TMEM65: variants seen among roughly 807,000 people sequenced by gnomAD.
TMEM65 encodes transmembrane protein 65.
A neutral mutation model predicts 25.4 loss-of-function variants in TMEM65; 22 were observed. The observed-to-expected ratio is 0.86, with a 90% CI of 0.62 to 1.23. The LOEUF (loss-of-function observed/expected upper bound fraction) is 1.23, where lower values mean the gene tolerates loss of function less well. Ranked by LOEUF, TMEM65 falls within the 50% of genes most tolerant of loss-of-function variation. The pLI, the probability that TMEM65 is intolerant of heterozygous loss-of-function variation, is 0.00. For missense variants in TMEM65, 262 were observed against 308.2 expected, an observed-to-expected ratio of 0.85 and a Z score of 1.12; for synonymous variants, 132 against 126.2, an observed-to-expected ratio of 1.05 and a Z score of -0.31.
rs1198503799 is a variant in TMEM65, at chr8:124,372,083, C to CGCG, written c.72_74dup (p.Ala25dup). 1.5e-5 allele frequency: 17 copies of CGCG among 1,121,028 alleles called. No homozygotes were observed. Among genetic ancestry groups the CGCG allele is most frequent in the Admixed American group, 5.1e-5 (1 of 19,662 alleles). The allele number at this position is 1,121,028 out of a possible 1,614,324, so 69.4% of individuals were successfully genotyped here. On this transcript the variant is annotated inframe_insertion, in exon 1 of 7. Coordinates refer to ENST00000297632, the MANE Select transcript of TMEM65 (RefSeq NM_194291.3). The stretch of plus-strand genomic sequence containing the variant: ...AGCAGCACCAGGACGGCGGGCGGGG[C>CGCG]GCGGCGGCGGCGGCCGGGCCCGGCC...
rs140109621 is a variant in TMEM65, at chr8:124,312,614, A to G, written c.*1346T>C. The G allele has an allele frequency of 2.2e-4, 33 of 152,112 alleles. No homozygotes were observed. The highest frequency in any genetic ancestry group is 6.8e-3 in the Middle Eastern group (2 of 294). 9.4% of individuals were successfully genotyped at this position (152,112 alleles called of 1,614,324 possible). A position where few individuals can be genotyped will look rare whatever the true frequency, so the allele number is the denominator to read the frequency against. Reference sequence around the variant, plus strand: ...CTGTTACAAGTAAGACTAATTTTTTAGCATGTGTAACAGACCACATGCTAA... The same window carrying G: ...CTGTTACAAGTAAGACTAATTTTTTGGCATGTGTAACAGACCACATGCTAA... On this transcript the variant is annotated 3_prime_UTR_variant, in exon 7 of 7. Transcript: ENST00000297632.
chr8:124,347,430 T>C (rs1208613575), intron 1 of TMEM65, among the ~76,000 whole-genome samples: 1 of 152,100 alleles, frequency 6.6e-6, no homozygotes, highest in East Asian at 1.9e-4. Flanking sequence ...ATTGGAGACT[T>C]AGAATGGAAG....
intron 1 of TMEM65, among the ~76,000 whole-genome samples, chr8:124,341,831 T>C (rs1423668764): frequency 6.6e-6 from 1 of 152,026 alleles, no homozygotes; most frequent in African/African-American, 2.4e-5. Flanking sequence ...AAAGTTTTTT[T>C]TTTTGACCTC....
chr8:124,346,177 A>T lies in TMEM65; in HGVS notation c.305-15385T>A, dbSNP rs114800703. Among the ~76,000 whole-genome samples, 773 of 152,338 alleles carry T rather than the reference A, an allele frequency of 5.1e-3. 15 individuals are homozygous for T. Among genetic ancestry groups the T allele is most frequent in the African/African-American group, 0.018 (740 of 41,570 alleles). Reference sequence around the variant, plus strand: ...AGCAAGAGAGACAGAGCGTGCAGGGAAAACTGCCACTTTTAAAACCATCAG... The same window carrying T: ...AGCAAGAGAGACAGAGCGTGCAGGGTAAACTGCCACTTTTAAAACCATCAG... On this transcript the variant is annotated intron_variant, in intron 1 of 6. Transcript: ENST00000297632.
chr8:124,331,406 A>G (rs1406842307), intron 1 of TMEM65, among the ~76,000 whole-genome samples: 2 of 148,094 alleles, frequency 1.4e-5, no homozygotes, highest in Non-Finnish European at 3.0e-5. Context: ...TATAAGATAT[A>G]TTATATTGAT....
chr8:124,363,561 T>A lies in TMEM65; in HGVS notation c.304+8293A>T, dbSNP rs371931042. The stretch of plus-strand genomic sequence containing the variant: ...CCATAATACCTGATGTAGACATCCA[T>A]GTAAAACAAGAAGCGCCTGTAATCC... On this transcript the variant is annotated intron_variant, in intron 1 of 6. Transcript: ENST00000297632. Among the ~76,000 whole-genome samples, 7 of 151,864 alleles carry A rather than the reference T, an allele frequency of 4.6e-5. No homozygotes were observed. The East Asian group carries it at 9.6e-4, about 21-fold the overall frequency.
intron 4 of TMEM65, among the ~76,000 whole-genome samples, chr8:124,322,639 CTTT>C (rs1405150568): frequency 1.3e-5 from 2 of 151,936 alleles, no homozygotes; most frequent in Non-Finnish European, 2.9e-5. Context: ...GTATTTCCTT[CTTT>C]GATTTTTCTA....
At chr8:124,347,437 G>A (rs778765538) in intron 1 of TMEM65, among the ~76,000 whole-genome samples, 1 of 152,076 alleles carries the variant, frequency 6.6e-6, no homozygotes, top group African/African-American at 2.4e-5. Flanking sequence ...ACTTAGAATG[G>A]AAGAGGCAAG....
intron 1 of TMEM65, among the ~76,000 whole-genome samples, chr8:124,354,192 T>C (rs985763234): frequency 2.0e-5 from 3 of 152,148 alleles, no homozygotes; most frequent in Non-Finnish European, 4.4e-5. Context: ...TCAAGATCAA[T>C]GCAACTCAAG....
chr8:124,319,956 A>G (rs1397318739), intron 6 of TMEM65, 130 bp downstream of exon 6: 13 of 580,198 alleles, frequency 2.2e-5, no homozygotes, highest in Non-Finnish European at 9.0e-6. Flanking sequence ...AAAACTGCCA[A>G]CGTCTAGACA....
At chr8:124,337,078 A>G (rs945241782) in intron 1 of TMEM65, among the ~76,000 whole-genome samples, 1 of 151,878 alleles carries the variant, frequency 6.6e-6, no homozygotes, top group Non-Finnish European at 1.5e-5. Context: ...TAAGCAAACA[A>G]AAATCTGACT....
rs552117914 is a variant in TMEM65, at chr8:124,371,680, C to T, written c.304+174G>A. ...ACCTGCCTGGGGGAAACTCGGGCGG[C>T]GGAAAGTCTCCCCGCCCCCAGCCGT... On this transcript the variant is annotated intron_variant, in intron 1 of 6. Transcript: ENST00000297632. Among the ~76,000 whole-genome samples the T allele has an allele frequency of 4.6e-5, 7 of 152,206 alleles. No individual in the cohort carries two copies. In the South Asian group the frequency reaches 8.3e-4, roughly 18 times the overall value.
At chr8:124,316,568 A>T (rs573310852) in intron 6 of TMEM65, among the ~76,000 whole-genome samples, 90 of 152,286 alleles carry the variant, frequency 5.9e-4, no homozygotes, top group African/African-American at 1.9e-3. Context: ...CTGTTGCCAT[A>T]AACCAGTGAG....
At chr8:124,324,169 TTGAATACTGA>T (rs2131199036) in intron 3 of TMEM65, among the ~76,000 whole-genome samples, 1 of 152,266 alleles carries the variant, frequency 6.6e-6, no homozygotes, top group East Asian at 1.9e-4. Context: ...AAGAGTTCTC[TTGAATACTGA>T]TGCTTGAACA....
chr8:124,364,532 T>C (rs945427950), intron 1 of TMEM65, among the ~76,000 whole-genome samples: 1 of 152,080 alleles, frequency 6.6e-6, no homozygotes, highest in African/African-American at 2.4e-5. Context: ...AAATATAGTA[T>C]ATAAGGACTC....
chr8:124,350,692 G>A (rs1042339265), intron 1 of TMEM65, among the ~76,000 whole-genome samples: 3 of 151,882 alleles, frequency 2.0e-5, no homozygotes, highest in Non-Finnish European at 2.9e-5. Context: ...GTCTCTCTTC[G>A]CAATATTCTG....
intron 1 of TMEM65, among the ~76,000 whole-genome samples, chr8:124,365,156 A>C (rs775602454): frequency 7.3e-4 from 111 of 152,188 alleles, no homozygotes; most frequent in Non-Finnish European, 2.4e-4. Context: ...ATTTGTCACA[A>C]ATAAAAAATA....
intron 1 of TMEM65, among the ~76,000 whole-genome samples, chr8:124,333,237 G>C (rs1814456927): frequency 6.6e-6 from 1 of 151,260 alleles, no homozygotes; most frequent in Admixed American, 6.6e-5. Context: ...AGGTTTCAGT[G>C]ATCTGTATGG....
At chr8:124,343,227 A>C (rs1814601700) in intron 1 of TMEM65, among the ~76,000 whole-genome samples, 1 of 152,172 alleles carries the variant, frequency 6.6e-6, no homozygotes, top group Admixed American at 6.5e-5. Flanking sequence ...AATTGATGGC[A>C]ATCAGATCCA....
Sources: allele counts gnomAD v4.1 joint callset (sites outside exome capture counted in the v4.1 genomes callset), GRCh38; gene constraint gnomAD v4.1.1; transcripts MANE v1.5; gene names NCBI Gene and HGNC (gene_info 2026-07-23, HGNC 2026-07-21).